The following WDR49 variants were observed in gnomAD, a reference collection of about 807,000 sequenced individuals.
WDR49 encodes the protein cilia- and flagella-associated protein 337.
A neutral mutation model predicts 119.5 loss-of-function variants in WDR49; 107 were observed. The observed-to-expected ratio is 0.90, with a 90% CI of 0.77 to 1.05. WDR49 has a LOEUF of 1.05. WDR49 is among the 50% of genes least tolerant of loss of function. The pLI, the probability that WDR49 is intolerant of heterozygous loss-of-function variation, is 0.00. For missense variants in WDR49, 1,240 were observed against 1,220.5 expected, an observed-to-expected ratio of 1.02 and a Z score of -0.24; for synonymous variants, 425 against 418.8, an observed-to-expected ratio of 1.01 and a Z score of -0.18.
At chr3:167,616,460 T>A (rs960956198) in intron 5 of WDR49, among the ~76,000 whole-genome samples, 2 of 152,144 alleles carry the variant, frequency 1.3e-5, no homozygotes, top group Non-Finnish European at 2.9e-5. Flanking sequence ...TCACTCTGAC[T>A]TTCTTGGAAG....
intron 5 of WDR49, among the ~76,000 whole-genome samples, chr3:167,612,435 A>C (rs1203460463): frequency 6.6e-6 from 1 of 152,088 alleles, no homozygotes; most frequent in African/African-American, 2.4e-5. Flanking sequence ...AAAAGCAAGA[A>C]TAAAACAAAC....
intron 7 of WDR49, among the ~76,000 whole-genome samples, chr3:167,599,414 T>G (rs1248474984): frequency 1.3e-5 from 2 of 152,118 alleles, no homozygotes; most frequent in South Asian, 4.1e-4. Context: ...ATTGTTCACT[T>G]AAGGATTAAG....
At chr3:167,594,725 A>G (rs1577262754) in intron 7 of WDR49, among the ~76,000 whole-genome samples, 1 of 152,080 alleles carries the variant, frequency 6.6e-6, no homozygotes, top group Admixed American at 6.6e-5. Context: ...TCTCAAAATA[A>G]TAAGAGCTAT....
At chr3:167,495,813 C>T (rs1194187719) in intron 18 of WDR49, among the ~76,000 whole-genome samples, 3 of 115,282 alleles carry the variant, frequency 2.6e-5, no homozygotes, top group East Asian at 5.6e-4. Flanking sequence ...TAAGATGCAT[C>T]AATAACATTA....
rs1449096454 is a variant in WDR49 at position 167,528,027 on chromosome 3, A to T, written c.2407-10T>A. Reference sequence around the variant, plus strand: ...AGTTAAGACAGTACTCCTGAATGAAAAGAAATACCAGAACTCTAAAAAATT... The same window carrying T: ...AGTTAAGACAGTACTCCTGAATGAATAGAAATACCAGAACTCTAAAAAATT... On this transcript the variant is annotated splice_polypyrimidine_tract_variant and intron_variant, in intron 14 of 18. Transcript: ENST00000682715. 1 of 1,604,870 alleles carries T rather than the reference A, an allele frequency of 6.2e-7. No homozygotes were observed. Among genetic ancestry groups the T allele is most frequent in the African/African-American group, 1.3e-5 (1 of 74,680 alleles).
Position 167,529,086 on chromosome 3 carries a change from T to TC in WDR49, c.2371dup (p.Asp791GlyfsTer3). ...CCAGATTTTCAACCATCCATCAAGA[T>TC]CTCCTGTGGTAAGGTATCGATTCAT... On this transcript the variant is annotated frameshift_variant, in exon 14 of 19. Transcript: ENST00000682715. LOFTEE classifies it high-confidence loss of function. 1 of 1,592,444 alleles carries TC rather than the reference T, an allele frequency of 6.3e-7. No homozygotes were observed. The highest frequency in any genetic ancestry group is 8.5e-7 in the Non-Finnish European group (1 of 1,173,194).
At chr3:167,618,812 A>T (rs1716722992) in intron 5 of WDR49, among the ~76,000 whole-genome samples, 1 of 152,190 alleles carries the variant, frequency 6.6e-6, no homozygotes, top group African/African-American at 2.4e-5. Context: ...GAATGATATG[A>T]TAGACACATG....
chr3:167,582,572 T>C (rs1163142263), intron 7 of WDR49, among the ~76,000 whole-genome samples: 2 of 152,166 alleles, frequency 1.3e-5, no homozygotes, highest in Non-Finnish European at 2.9e-5. Flanking sequence ...TTCCACTATG[T>C]GTCTGTTTAT....
chr3:167,528,015 C>A lies in WDR49; in HGVS notation c.2409G>T (p.Glu803Asp), dbSNP rs764155272. 15 of 1,609,352 alleles carry A rather than the reference C, an allele frequency of 9.3e-6. No individual in the cohort carries two copies. In the Admixed American group the frequency reaches 2.5e-4, roughly 27 times the overall value. Residue 803 changes from glutamate to aspartate, a missense_variant and splice_region_variant, in exon 15 of 19, where the codon GAG becomes GAT. Coordinates refer to ENST00000682715, the MANE Select transcript of WDR49 (RefSeq NM_001366157.1). ...DGWLKIWNIE[E>D]YCLNSSKNKI... ...TGTTCTTACTGGAGTTAAGACAGTA[C>A]TCCTGAATGAAAAGAAATACCAGAA...
In WDR49 at chr3:167,554,699, C is replaced by A; in HGVS notation, c.1774G>T (p.Val592Phe). 6.2e-7 allele frequency: 1 copy of A among 1,612,612 alleles called. No individual in the cohort carries two copies. The highest frequency in any genetic ancestry group is 8.5e-7 in the Non-Finnish European group (1 of 1,179,074). The change falls in exon 10 of 19, where the codon GTT becomes TTT. Residue 592 changes from valine (V) to phenylalanine (F), a missense_variant. Transcript: ENST00000682715. ...QILILKKKIL[V>F]TGWERYDYAS... is the part of the protein sequence containing the mutation. The stretch of plus-strand genomic sequence containing the variant: ...TAATCATACCTCTCCCAGCCTGTAA[C>A]CAGTATTTTCTTCTTAAGAATGAGG...
chr3:167,529,179 T>TTA lies in WDR49; in HGVS notation c.2277_2278dup (p.Lys760IlefsTer25), dbSNP rs1560270125. ...CAAAAATTCAGCCAGAAGTTGCTTC[T>TTA]TATATATATCCCAAAATCTGACATA... On this transcript the variant is annotated frameshift_variant, in exon 14 of 19. Transcript: ENST00000682715. LOFTEE classifies it high-confidence loss of function. 3 of 1,611,736 alleles carry TTA rather than the reference T, an allele frequency of 1.9e-6. No individual in the cohort carries two copies. Among genetic ancestry groups the TTA allele is most frequent in the African/African-American group, 1.3e-5 (1 of 74,836 alleles).
At chr3:167,514,637 A>G (rs1274608402) in intron 16 of WDR49, among the ~76,000 whole-genome samples, 1 of 77,312 alleles carries the variant, frequency 1.3e-5, no homozygotes, top group Non-Finnish European at 2.8e-5. Context: ...AGACACACAC[A>G]CACACACACA....
Position 167,575,964 on chromosome 3 carries a change from T to G in WDR49, c.1463A>C (p.His488Pro), listed in dbSNP as rs1487580490. 1.9e-6 allele frequency: 3 copies of G among 1,614,184 alleles called. No individual in the cohort carries two copies. Among genetic ancestry groups the G allele is most frequent in the Non-Finnish European group, 2.5e-6 (3 of 1,180,010 alleles). The change falls in exon 8 of 19, where the codon CAT becomes CCT. Residue 488 changes from histidine to proline, a missense_variant. Coordinates refer to ENST00000682715, the MANE Select transcript of WDR49 (RefSeq NM_001366157.1). ...AAGAACACAAGTGACTGCTTTCTCA[T>G]GGCTTTTCACCCTCTTGCTGGCTTC... ...KSEASKRVKS[H>P]EKAVTCVLYN...
At chr3:167,584,078 G>A (rs1300090376) in intron 7 of WDR49, among the ~76,000 whole-genome samples, 2 of 152,138 alleles carry the variant, frequency 1.3e-5, no homozygotes, top group East Asian at 1.9e-4. Flanking sequence ...AAATGAACAA[G>A]CAACAAGAGA....
At position 167,620,461 on chromosome 3, in the gene WDR49, T is replaced by C. The variant is rs1268421137; in HGVS notation, c.926A>G (p.His309Arg). Residue 309 changes from histidine (H) to arginine (R), a missense_variant, in exon 5 of 19, where the codon CAT (histidine) becomes CGT (arginine). Physicochemically the swap from His to Arg is conservative, Grantham distance 29. Transcript: ENST00000682715. Reference protein sequence around the residue: ...GCHKCCHILEHKLHQGDWVRQ... With the variant: ...GCHKCCHILERKLHQGDWVRQ... ...GACCCAATCTCCTTGATGAAGTTTA[T>C]GCTCTAATATATGGCAACATTTGTG... 2.6e-6 allele frequency: 4 copies of C among 1,535,854 alleles called. No homozygotes were observed. The African/African-American group carries it at 5.5e-5, about 21-fold the overall frequency.
chr3:167,548,105 G>A (rs1305341743), intron 10 of WDR49, among the ~76,000 whole-genome samples: 1 of 152,016 alleles, frequency 6.6e-6, no homozygotes, highest in Non-Finnish European at 1.5e-5. Context: ...AGACTTACTT[G>A]TAGGGTCCAT....
chr3:167,555,982 CT>C (rs1712900306), intron 9 of WDR49, among the ~76,000 whole-genome samples: 1 of 152,234 alleles, frequency 6.6e-6, no homozygotes, highest in South Asian at 2.1e-4. Context: ...CTGTCAACAA[CT>C]GTAACACAAT....
At chr3:167,568,915 T>C (rs1028808972) in intron 8 of WDR49, among the ~76,000 whole-genome samples, 1 of 152,120 alleles carries the variant, frequency 6.6e-6, no homozygotes, top group Non-Finnish European at 1.5e-5. Flanking sequence ...TATGAAATCA[T>C]TGCAGCAGTG....
chr3:167,646,675 G>T (rs1718145296), intron 2 of WDR49, among the ~76,000 whole-genome samples: 1 of 152,152 alleles, frequency 6.6e-6, no homozygotes, highest in Admixed American at 6.6e-5. Context: ...ACATATTGAA[G>T]AGTACACATC....
Sources: allele counts gnomAD v4.1 joint callset (sites outside exome capture counted in the v4.1 genomes callset), GRCh38; gene constraint gnomAD v4.1.1; transcripts MANE v1.5; gene names NCBI Gene and HGNC (gene_info 2026-07-23, HGNC 2026-07-21).